ANKFN1: variants seen among roughly 807,000 people sequenced by gnomAD.
ANKFN1 encodes ankyrin repeat and fibronectin type-III domain-containing protein 1.
A neutral mutation model predicts 108.7 loss-of-function variants in ANKFN1; 74 were observed. That is an observed-to-expected ratio of 0.68 (90% CI 0.56 to 0.83). ANKFN1 has a LOEUF of 0.83. ANKFN1 is among the 40% of genes least tolerant of loss of function. The probability of loss-of-function intolerance (pLI) is 0.00; values close to 1 mark genes in which losing one functional copy is unlikely to be tolerated. For synonymous variants in ANKFN1, 547 were observed against 516.2 expected, an observed-to-expected ratio of 1.06 and a Z score of -0.81; for missense variants, 1,505 against 1,382.3, an observed-to-expected ratio of 1.09 and a Z score of -1.41.
chr17:56,301,887 C>T (rs1185386972), intron 3 of ANKFN1, among the ~76,000 whole-genome samples: 1 of 152,106 alleles, frequency 6.6e-6, no homozygotes, highest in Non-Finnish European at 1.5e-5. Flanking sequence ...TCTACAGGGC[C>T]AGGTGGATAT....
chr17:56,203,212 C>T (rs1348595783), intron 1 of ANKFN1, among the ~76,000 whole-genome samples: 1 of 152,048 alleles, frequency 6.6e-6, no homozygotes, highest in Non-Finnish European at 1.5e-5. Context: ...TATCATCATT[C>T]TGAAGGTCTC....
chr17:56,133,895 G>A (rs573200491), intron 4 of ANKFN1, among the ~76,000 whole-genome samples: 2 of 152,110 alleles, frequency 1.3e-5, no homozygotes, highest in African/African-American at 4.8e-5. Flanking sequence ...CCAGCTGGAT[G>A]TCTTACAATT....
At chr17:56,451,552 A>G (rs1218441887) in intron 11 of ANKFN1, among the ~76,000 whole-genome samples, 1 of 152,186 alleles carries the variant, frequency 6.6e-6, no homozygotes, top group Non-Finnish European at 1.5e-5. Context: ...ACAATTAGAA[A>G]AAGTAATATT....
chr17:56,362,159 C>A (rs112936148), intron 6 of ANKFN1, among the ~76,000 whole-genome samples: 20 of 152,176 alleles, frequency 1.3e-4, no homozygotes, highest in African/African-American at 4.8e-4. Context: ...ATTACCTGGC[C>A]AATTGTAATT....
intron 8 of ANKFN1, among the ~76,000 whole-genome samples, chr17:56,439,152 G>A (rs1165590909): frequency 6.6e-6 from 1 of 152,210 alleles, no homozygotes; most frequent in Non-Finnish European, 1.5e-5. Flanking sequence ...TTCTGAAGAA[G>A]AGGAGAGAAT....
intron 8 of ANKFN1, among the ~76,000 whole-genome samples, chr17:56,406,586 G>A (rs1429636336): frequency 6.6e-6 from 1 of 152,102 alleles, no homozygotes; most frequent in Non-Finnish European, 1.5e-5. Flanking sequence ...TCTTTCAGAT[G>A]GGGAATATGT....
chr17:56,137,993 T>C (rs1333684617), intron 4 of ANKFN1, among the ~76,000 whole-genome samples: 1 of 152,156 alleles, frequency 6.6e-6, no homozygotes, highest in Non-Finnish European at 1.5e-5. Flanking sequence ...CAAAACAGTC[T>C]TGAATTAACA....
Position 56,440,397 on chromosome 17 carries a change from G to C in ANKFN1, c.981G>C (p.Leu327=). 6.2e-7 allele frequency: 1 copy of C among 1,612,338 alleles called. No individual in the cohort carries two copies. The highest frequency in any genetic ancestry group is 1.3e-5 in the African/African-American group (1 of 74,978). ...GEIIMDNLQT[L]RCTITGLTMG... ...TCATCATGGATAATCTGCAGACTCT[G>C]AGATGCACAATCACAGGACTTACAA... Residue 327 remains leucine (L), a synonymous_variant, in exon 9 of 21, where the codon CTG becomes CTC. Transcript: ENST00000682825.
chr17:56,305,762 T>C (rs2044804240), intron 3 of ANKFN1, among the ~76,000 whole-genome samples: 1 of 152,226 alleles, frequency 6.6e-6, no homozygotes, highest in South Asian at 2.1e-4. Flanking sequence ...CTACAAGTGG[T>C]ATCATTTTAC....
chr17:56,111,546 G>A (rs1406684682), intron 4 of ANKFN1, among the ~76,000 whole-genome samples: 3 of 149,106 alleles, frequency 2.0e-5, no homozygotes, highest in African/African-American at 2.5e-5. Flanking sequence ...AAGATTTGCT[G>A]TAGTAAAGCT....
chr17:56,153,355 T>G (rs905975511), upstream of ANKFN1: 15 of 871,840 alleles, frequency 1.7e-5, no homozygotes, highest in Non-Finnish European at 2.8e-5. Context: ...ATCTGGACAC[T>G]CCTGGAGCCA....
At chr17:56,140,853 C>T (rs940139692) in intron 4 of ANKFN1, among the ~76,000 whole-genome samples, 15 of 152,162 alleles carry the variant, frequency 9.9e-5, no homozygotes, top group African/African-American at 3.1e-4. Context: ...ACCTTTATCT[C>T]CTCCATTTAT....
chr17:56,141,291 G>T (rs746559969), intron 4 of ANKFN1, among the ~76,000 whole-genome samples: 2 of 152,166 alleles, frequency 1.3e-5, no homozygotes, highest in Non-Finnish European at 2.9e-5. Context: ...GCTGACAGAC[G>T]TGTGGTGATT....
intron 15 of ANKFN1, among the ~76,000 whole-genome samples, chr17:56,475,661 A>G (rs1194762495): frequency 1.3e-5 from 2 of 152,188 alleles, no homozygotes; most frequent in Non-Finnish European, 2.9e-5. Flanking sequence ...GTGGGGTACA[A>G]AGTGATGTTT....
At chr17:56,329,084 C>T (rs2045595673) in intron 4 of ANKFN1, among the ~76,000 whole-genome samples, 1 of 152,122 alleles carries the variant, frequency 6.6e-6, no homozygotes, top group Non-Finnish European at 1.5e-5. Flanking sequence ...GAGCAATTCT[C>T]TAAAAAAGCA....
chr17:56,199,193 G>A (rs1453069515), intron 1 of ANKFN1, among the ~76,000 whole-genome samples: 3 of 147,258 alleles, frequency 2.0e-5, no homozygotes, highest in Non-Finnish European at 4.5e-5. Flanking sequence ...TTTACCTATA[G>A]TTGCTTTATG....
chr17:56,422,329 G>A (rs1021880413), intron 8 of ANKFN1, among the ~76,000 whole-genome samples: 5 of 91,950 alleles, frequency 5.4e-5, no homozygotes, highest in Non-Finnish European at 1.2e-4. Flanking sequence ...ATTGGACCAT[G>A]TGGTTTTATA....
intron 4 of ANKFN1, among the ~76,000 whole-genome samples, chr17:56,068,457 G>T (rs1325136128): frequency 6.6e-6 from 1 of 152,172 alleles, no homozygotes; most frequent in African/African-American, 2.4e-5. Flanking sequence ...CAGAAAAAGA[G>T]ATGTCCCTCT....
At chr17:56,344,615 C>T (rs1304699759) in intron 4 of ANKFN1, among the ~76,000 whole-genome samples, 2 of 151,870 alleles carry the variant, frequency 1.3e-5, no homozygotes, top group African/African-American at 4.8e-5. Flanking sequence ...AATTCTCCAT[C>T]TAACATAGTT....
Sources: allele counts gnomAD v4.1 joint callset (sites outside exome capture counted in the v4.1 genomes callset), GRCh38; gene constraint gnomAD v4.1.1; transcripts MANE v1.5; gene names NCBI Gene and HGNC (gene_info 2026-07-23, HGNC 2026-07-21).